The following REPS2 variants were observed in gnomAD, a reference collection of about 807,000 sequenced individuals.
REPS2 encodes the protein ralBP1-associated Eps domain-containing protein 2.
In REPS2, 23 loss-of-function variants were observed where a neutral mutation model predicts 53.6. The ratio of observed to expected loss-of-function variants is 0.43; its 90% confidence interval spans 0.31 to 0.61. REPS2 has a LOEUF of 0.61. Among genes scored for constraint, REPS2 ranks in the 20% least tolerant of loss-of-function variants. The pLI is 0.11. For synonymous variants in REPS2, 238 were observed against 218.6 expected (o/e 1.09, Z -0.78); for missense variants, 446 against 534.9 (o/e 0.83, Z 1.64).
chrX:17,018,248 G>A (rs2061526057), intron 2 of REPS2, among the ~76,000 whole-genome samples: 1 of 102,289 alleles, frequency 9.8e-6, no homozygotes, highest in South Asian at 4.4e-4. Context: ...GTGCAGTGAC[G>A]TGATCATGGC....
At chrX:17,070,932 G>A (rs1451502674) in intron 11 of REPS2, among the ~76,000 whole-genome samples, 1 of 110,769 alleles carries the variant, frequency 9.0e-6, no homozygotes, top group Non-Finnish European at 1.9e-5. Context: ...GAGAACATGA[G>A]AATGAGAATA....
At chrX:16,947,807 C>G (rs1236985109) in intron 1 of REPS2, among the ~76,000 whole-genome samples, 1 of 111,889 alleles carries the variant, frequency 8.9e-6, no homozygotes, top group Non-Finnish European at 1.9e-5. Flanking sequence ...CCATGGGAAA[C>G]AGCTGTAGTT....
chrX:17,145,041 A>T (rs1307389212), intron 17 of REPS2, among the ~76,000 whole-genome samples: 1 of 112,078 alleles, frequency 8.9e-6, no homozygotes, highest in Non-Finnish European at 1.9e-5. Context: ...CAGCTGGCAG[A>T]ATTCCCACAT....
chrX:17,109,326 C>T (rs1026306411), intron 14 of REPS2, among the ~76,000 whole-genome samples: 4 of 111,178 alleles, frequency 3.6e-5, no homozygotes, highest in African/African-American at 9.8e-5. Context: ...TGCTGAGGTC[C>T]GGCCACTGGG....
rs538569527 is a variant in REPS2, at chrX:17,019,297, T to C, written c.398-2826T>C. Among the ~76,000 whole-genome samples, 3 of 112,247 alleles carry C rather than the reference T, an allele frequency of 2.7e-5. No homozygotes were observed. The Middle Eastern group carries it at 0.014, about 517-fold the overall frequency. On this transcript the variant is annotated intron_variant, in intron 2 of 17. Transcript: ENST00000357277. Reference sequence around the variant, plus strand: ...AATGTAACCTAAGATGAAACAACAATGAAGCAAATTGTCATCTTGGATGGC... The same window carrying C: ...AATGTAACCTAAGATGAAACAACAACGAAGCAAATTGTCATCTTGGATGGC...
At chrX:17,185,348 A>C in the REPS2 span, among the ~76,000 whole-genome samples, 1 of 111,606 alleles carries the variant, frequency 9.0e-6, no homozygotes. Context: ...GGATTGGTCA[A>C]ACAAGTCACT....
Position 17,052,934 on chromosome X carries a change from G to C in REPS2, c.971+489G>C, listed in dbSNP as rs758337365. ...TTGCAAATTTGGCTGGTGTTTATCA[G>C]TTGGGCCCTAATTCAGACTTGCAGC... is the stretch of plus-strand genomic sequence containing the variant. On this transcript the variant is annotated intron_variant, in intron 7 of 17. Transcript: ENST00000357277. Among the ~76,000 whole-genome samples the C allele has an allele frequency of 1.3e-4, 14 of 111,658 alleles. No individual in the cohort carries two copies. The Middle Eastern group carries it at 0.019, about 148-fold the overall frequency.
At chrX:17,036,891 C>T (rs1434045290) in intron 5 of REPS2, among the ~76,000 whole-genome samples, 3 of 109,272 alleles carry the variant, frequency 2.7e-5, no homozygotes, top group Non-Finnish European at 5.7e-5. Context: ...AGTTTGATGC[C>T]TTTTCTAGGT....
chrX:16,965,318 A>AC (rs1403498030), intron 1 of REPS2, among the ~76,000 whole-genome samples: 2 of 94,605 alleles, frequency 2.1e-5, no homozygotes, highest in Non-Finnish European at 4.2e-5. Flanking sequence ...CGGGGGGCTG[A>AC]CCCCCCCACC....
intron 2 of REPS2, among the ~76,000 whole-genome samples, chrX:17,017,496 G>A (rs1250448783): frequency 9.0e-6 from 1 of 110,672 alleles, no homozygotes; most frequent in African/African-American, 3.3e-5. Context: ...GGGATTACTG[G>A]AAATGAACAT....
chrX:17,088,432 G>A (rs1404575635), intron 13 of REPS2, among the ~76,000 whole-genome samples: 1 of 110,724 alleles, frequency 9.0e-6, no homozygotes, highest in Non-Finnish European at 1.9e-5. Flanking sequence ...CAGGAAAAAT[G>A]AGTTATTAGT....
intron 13 of REPS2, among the ~76,000 whole-genome samples, chrX:17,093,595 C>A (rs776216152): frequency 9.1e-6 from 1 of 110,140 alleles, no homozygotes; most frequent in Non-Finnish European, 1.9e-5. Context: ...TTGGTATTTC[C>A]TTCGTAATTC....
chrX:16,995,882 A>G (rs1054944668), intron 1 of REPS2, among the ~76,000 whole-genome samples: 1 of 111,741 alleles, frequency 8.9e-6, no homozygotes, highest in African/African-American at 3.3e-5. Context: ...ATAAGGACCT[A>G]GATCCAAGCT....
Position 17,083,579 on chromosome X carries a change from C to G in REPS2, c.1516+6172C>G, listed in dbSNP as rs142297289. 9.0e-5 allele frequency among the ~76,000 whole-genome samples: 10 copies of G among 111,717 alleles called. No homozygotes were observed. The East Asian group carries it at 2.8e-3, about 31-fold the overall frequency. ...AGTGGCGAATTGAGAAGTCTTTCCT[C>G]GGTTTTCTATAAATGAATATTTGTT... On this transcript the variant is annotated intron_variant, in intron 13 of 17. Transcript: ENST00000357277.
At chrX:17,059,302 T>C (rs1362173930) in intron 8 of REPS2, among the ~76,000 whole-genome samples, 1 of 106,858 alleles carries the variant, frequency 9.4e-6, no homozygotes, top group Admixed American at 1.0e-4. Flanking sequence ...GCCTAGTGTT[T>C]TTTTTTTTTT....
chrX:16,960,437 A>G (rs767001284), intron 1 of REPS2, among the ~76,000 whole-genome samples: 4 of 112,511 alleles, frequency 3.6e-5, no homozygotes, highest in African/African-American at 1.3e-4. Context: ...ACAAAGTTCA[A>G]CAGCCTTTCG....
chrX:17,043,455 TAA>T (rs1414738287), intron 5 of REPS2, among the ~76,000 whole-genome samples: 1 of 110,817 alleles, frequency 9.0e-6, no homozygotes. Flanking sequence ...CTGGTTGTGT[TAA>T]GTTTGCTCCA....
chrX:17,113,358 T>C (rs2063002531), intron 14 of REPS2, among the ~76,000 whole-genome samples: 1 of 109,289 alleles, frequency 9.2e-6, no homozygotes, highest in South Asian at 3.9e-4. Flanking sequence ...AATCAGGTTC[T>C]GATAAATTTA....
chrX:17,067,990 A>G (rs1291358207), intron 9 of REPS2, among the ~76,000 whole-genome samples: 1 of 112,186 alleles, frequency 8.9e-6, no homozygotes, highest in Non-Finnish European at 1.9e-5. Context: ...TTTACTGCAG[A>G]TGGAAATGGT....
Sources: allele counts gnomAD v4.1 joint callset (sites outside exome capture counted in the v4.1 genomes callset), GRCh38; gene constraint gnomAD v4.1.1; transcripts MANE v1.5; gene names NCBI Gene and HGNC (gene_info 2026-07-23, HGNC 2026-07-21).